The following PHLDB2 variants were observed in gnomAD, a reference collection of about 807,000 sequenced individuals.
PHLDB2 encodes pleckstrin homology-like domain family B member 2.
PHLDB2 carries 71 observed loss-of-function variants against 123.6 expected under a neutral mutation model. The ratio of observed to expected loss-of-function variants is 0.57; its 90% CI spans 0.47 to 0.70. The LOEUF is 0.70. PHLDB2 is among the 30% of genes least tolerant of loss of function. PHLDB2 has a pLI of 0.00. For synonymous variants in PHLDB2, 547 were observed against 541.6 expected (o/e 1.01, Z -0.14); for missense variants, 1,446 against 1,519.5 (o/e 0.95, Z 0.80).
chr3:111,946,022 A>T (rs1016451602), intron 9 of PHLDB2, among the ~76,000 whole-genome samples: 1 of 151,944 alleles, frequency 6.6e-6, no homozygotes, highest in Non-Finnish European at 1.5e-5. Flanking sequence ...CTGAGAAAAA[A>T]AATAGTTTAT....
At chr3:111,946,225 T>C (rs571848556) in intron 9 of PHLDB2, among the ~76,000 whole-genome samples, 1 of 152,302 alleles carries the variant, frequency 6.6e-6, no homozygotes, top group African/African-American at 2.4e-5. Context: ...TTTCGCCATA[T>C]TGGTCAGGCC....
intron 1 of PHLDB2, among the ~76,000 whole-genome samples, chr3:111,819,000 T>C (rs2062232860): frequency 6.6e-6 from 1 of 152,176 alleles, no homozygotes. Flanking sequence ...CTCACAGTTT[T>C]GGAGCCTAGA....
chr3:111,784,495 T>G (rs1559829740), intron 1 of PHLDB2, among the ~76,000 whole-genome samples: 1 of 152,172 alleles, frequency 6.6e-6, no homozygotes, highest in Non-Finnish European at 1.5e-5. Context: ...TCTGTCTGTG[T>G]CTGTGAGTGG....
At chr3:111,751,540 A>G (rs2059774733) in intron 1 of PHLDB2, among the ~76,000 whole-genome samples, 1 of 152,032 alleles carries the variant, frequency 6.6e-6, no homozygotes, top group Non-Finnish European at 1.5e-5. Flanking sequence ...CCAAGGAGGT[A>G]AAGAGACCTA....
chr3:111,919,774 T>G (rs370900174), intron 4 of PHLDB2, among the ~76,000 whole-genome samples: 1 of 152,156 alleles, frequency 6.6e-6, no homozygotes, highest in East Asian at 1.9e-4. Flanking sequence ...CTAGGGAAGA[T>G]CTGTGTGTCT....
intron 1 of PHLDB2, among the ~76,000 whole-genome samples, chr3:111,870,539 T>C (rs2065286515): frequency 6.6e-6 from 1 of 152,170 alleles, no homozygotes; most frequent in Non-Finnish European, 1.5e-5. Context: ...CCCTCTTCCA[T>C]GTGTTTTGAT....
chr3:111,818,791 A>G (rs1192733715), intron 1 of PHLDB2, among the ~76,000 whole-genome samples: 1 of 152,130 alleles, frequency 6.6e-6, no homozygotes, highest in Non-Finnish European at 1.5e-5. Flanking sequence ...ATGCTGGGCC[A>G]TAATAATCAC....
chr3:111,834,271 A>C (rs1423309730), intron 1 of PHLDB2, among the ~76,000 whole-genome samples: 1 of 114,490 alleles, frequency 8.7e-6, no homozygotes, highest in Non-Finnish European at 1.8e-5. Context: ...TATTATATAC[A>C]TAATATATAT....
chr3:111,867,611 T>C (rs1201551837), intron 1 of PHLDB2, among the ~76,000 whole-genome samples: 1 of 152,188 alleles, frequency 6.6e-6, no homozygotes, highest in Non-Finnish European at 1.5e-5. Context: ...ATTTTTAAGA[T>C]ATATCATCAT....
intron 1 of PHLDB2, among the ~76,000 whole-genome samples, chr3:111,787,444 A>C (rs1257315845): frequency 1.3e-5 from 2 of 152,118 alleles, no homozygotes; most frequent in Non-Finnish European, 1.5e-5. Flanking sequence ...TTGGGTTTCA[A>C]ATGCTGAAAA....
chr3:111,895,410 T>C (rs911471817), intron 2 of PHLDB2, among the ~76,000 whole-genome samples: 1 of 152,244 alleles, frequency 6.6e-6, no homozygotes, highest in Non-Finnish European at 1.5e-5. Context: ...GTGTCAGTTA[T>C]AGAAGAAGTC....
chr3:111,867,410 A>G (rs1258991791), intron 1 of PHLDB2, among the ~76,000 whole-genome samples: 1 of 151,556 alleles, frequency 6.6e-6, no homozygotes, highest in African/African-American at 2.4e-5. Context: ...ATTTAAATGT[A>G]TACTAAAATA....
intron 1 of PHLDB2, among the ~76,000 whole-genome samples, chr3:111,763,217 C>A (rs2060024076): frequency 6.6e-6 from 1 of 152,332 alleles, no homozygotes; most frequent in Non-Finnish European, 1.5e-5. Context: ...AGAGTCAACT[C>A]TTCACACACT....
chr3:111,956,220 T>G (rs1441788952), intron 12 of PHLDB2, among the ~76,000 whole-genome samples: 2 of 152,092 alleles, frequency 1.3e-5, no homozygotes, highest in African/African-American at 4.8e-5. Flanking sequence ...AATAAAAGTA[T>G]TTTCTCAAAG....
chr3:111,952,150 TTC>T (rs2070752693), intron 10 of PHLDB2, among the ~76,000 whole-genome samples: 1 of 139,504 alleles, frequency 7.2e-6, no homozygotes, highest in Non-Finnish European at 1.6e-5. Flanking sequence ...TACTCGCTTT[TTC>T]TCTTTTTCTC....
At chr3:111,941,893 G>C (rs908165985) in intron 8 of PHLDB2, among the ~76,000 whole-genome samples, 3 of 152,172 alleles carry the variant, frequency 2.0e-5, no homozygotes, top group Non-Finnish European at 4.4e-5. Context: ...CATTTGGGGT[G>C]CCCCAGCAGC....
chr3:111,774,185 C>G (rs1052831424), intron 1 of PHLDB2, among the ~76,000 whole-genome samples: 1 of 152,182 alleles, frequency 6.6e-6, no homozygotes, highest in Non-Finnish European at 1.5e-5. Flanking sequence ...CTTCCCACCT[C>G]TGTTGTGTGC....
chr3:111,959,291 G>A (rs1014023097), intron 12 of PHLDB2, among the ~76,000 whole-genome samples: 2 of 152,226 alleles, frequency 1.3e-5, no homozygotes, highest in African/African-American at 4.8e-5. Flanking sequence ...CCTGTTTTTG[G>A]GGGATTTGTT....
At chr3:111,940,387 T>G (rs1440310204) in intron 7 of PHLDB2, 148 bp from the exon 8 acceptor site, 1 of 487,518 alleles carries the variant, frequency 2.1e-6, no homozygotes, top group Non-Finnish European at 3.7e-6. Context: ...CCTCACAGTC[T>G]CTTGGTAATA....
Sources: gnomAD v4.1 joint callset for allele counts (sites outside exome capture counted in the v4.1 genomes callset) on GRCh38, gnomAD v4.1.1 for gene constraint, MANE v1.5 for transcripts, NCBI Gene and HGNC (gene_info 2026-07-23, HGNC 2026-07-21) for gene names.